CREB5: variants seen among roughly 807,000 people sequenced by gnomAD.
CREB5 encodes cyclic AMP-responsive element-binding protein 5.
In CREB5, 19 loss-of-function variants were observed where a neutral mutation model predicts 57.1. The ratio of observed to expected loss-of-function variants is 0.33; its 90% CI spans 0.23 to 0.49. CREB5 has a LOEUF of 0.49. Ranked by LOEUF, CREB5 falls within the 20% of genes least tolerant of loss-of-function variation. The probability of loss-of-function intolerance (pLI) is 0.99; values close to 1 mark genes in which losing one functional copy is unlikely to be tolerated. For missense variants in CREB5, 579 were observed against 671.6 expected, an observed-to-expected ratio of 0.86 and a Z score of 1.52; for synonymous variants, 238 against 238.3, an observed-to-expected ratio of 1.00 and a Z score of 0.01.
At chr7:28,445,768 A>T (rs10244345) in intron 1 of CREB5, among the ~76,000 whole-genome samples, 1 of 150,908 alleles carries the variant, frequency 6.6e-6, no homozygotes, top group Non-Finnish European at 1.5e-5. Context: ...AGCCAGGATG[A>T]TCTCGATCTT....
rs980124858 is a variant in CREB5 at position 28,814,817 on chromosome 7, T to C, written c.1255-3254T>C. Among the ~76,000 whole-genome samples the C allele has an allele frequency of 2.6e-5, 4 of 152,198 alleles. No homozygotes were observed. The South Asian group carries it at 6.2e-4, about 24-fold the overall frequency. On this transcript the variant is annotated intron_variant, in intron 9 of 10. Coordinates refer to ENST00000357727, the MANE Select transcript of CREB5 (RefSeq NM_182898.4). ...CTGGATGCTGCCCCATGAATTTCTA[T>C]GGCTTATGTGGTTATTAGGCCTTTA...
chr7:28,687,569 C>T (rs970616144), intron 5 of CREB5, among the ~76,000 whole-genome samples: 3 of 149,720 alleles, frequency 2.0e-5, no homozygotes, highest in Non-Finnish European at 4.4e-5. Context: ...AACTGAAACC[C>T]ACTAAAACAA....
At chr7:28,818,889 G>T in intron 10 of CREB5, 1 of 590,738 alleles carries the variant, frequency 1.7e-6, no homozygotes, top group Non-Finnish European at 3.1e-6. Context: ...TCATTTTACT[G>T]ATACAGAAAG....
At chr7:28,751,184 G>A (rs961537163) in intron 7 of CREB5, among the ~76,000 whole-genome samples, 1 of 128,296 alleles carries the variant, frequency 7.8e-6, no homozygotes, top group African/African-American at 2.9e-5. Context: ...AGATGACTGC[G>A]CGTGAGCCAG....
rs941639843 is a variant in CREB5, at chr7:28,385,966, A to G, written c.-25+86525A>G. On this transcript the variant is annotated intron_variant, in intron 1 of 9. Transcript: ENST00000396299. ...AATGGCTCCATCTTATCTGATTTAT[A>G]TATGTATATAAATAGACTTATGTAT... Among the ~76,000 whole-genome samples the G allele has an allele frequency of 5.3e-5, 8 of 152,208 alleles. No homozygotes were observed. The South Asian group carries it at 8.3e-4, about 16-fold the overall frequency.
chr7:28,551,916 T>C (rs1197008295), intron 4 of CREB5, among the ~76,000 whole-genome samples: 2 of 148,306 alleles, frequency 1.3e-5, no homozygotes, highest in Non-Finnish European at 1.5e-5. Flanking sequence ...CTTTTCTTTC[T>C]CTTTTTTCTT....
chr7:28,733,177 G>A (rs145399075), intron 7 of CREB5, among the ~76,000 whole-genome samples: 42 of 152,258 alleles, frequency 2.8e-4, no homozygotes, highest in African/African-American at 9.9e-4. Context: ...CCAGAGAGCC[G>A]AGTCAGTAAC....
At chr7:28,443,794 C>CGAT in intron 1 of CREB5, among the ~76,000 whole-genome samples, 1 of 152,240 alleles carries the variant, frequency 6.6e-6, no homozygotes, top group South Asian at 2.1e-4. Flanking sequence ...AATTCACTTA[C>CGAT]GATGATGATG....
intron 5 of CREB5, among the ~76,000 whole-genome samples, chr7:28,585,739 G>A (rs1457466966): frequency 6.6e-6 from 1 of 152,052 alleles, no homozygotes; most frequent in Non-Finnish European, 1.5e-5. Flanking sequence ...GGCATGAGGG[G>A]GCAAGAGATG....
At position 28,599,996 on chromosome 7, in the gene CREB5, G is replaced by A. The variant is rs192938083; in HGVS notation, c.464+29459G>A. 4.8e-4 allele frequency among the ~76,000 whole-genome samples: 73 copies of A among 152,232 alleles called. 2 individuals carry two copies. Among genetic ancestry groups the A allele is most frequent in the African/African-American group, 1.5e-3 (64 of 41,546 alleles). On this transcript the variant is annotated intron_variant, in intron 5 of 10. Coordinates refer to ENST00000357727, the MANE Select transcript of CREB5 (RefSeq NM_182898.4). ...AGTTATTAAAAGCAATCATGGTGACGTTGAGAGGGTGAAGAACTCTGGGTG... is the reference window on the plus strand; with the variant it reads ...AGTTATTAAAAGCAATCATGGTGACATTGAGAGGGTGAAGAACTCTGGGTG...
chr7:28,630,085 G>A (rs1022377697), intron 5 of CREB5, among the ~76,000 whole-genome samples: 2 of 152,310 alleles, frequency 1.3e-5, no homozygotes, highest in African/African-American at 4.8e-5. Context: ...CTGCTCATGT[G>A]ATGGCTACTT....
intron 5 of CREB5, among the ~76,000 whole-genome samples, chr7:28,633,244 A>G (rs1798272818): frequency 6.6e-6 from 1 of 152,106 alleles, no homozygotes; most frequent in Admixed American, 6.5e-5. Flanking sequence ...GCTTTTATCC[A>G]CTCTATGGGA....
In CREB5 at chr7:28,824,362, C is replaced by T. The variant is rs531624614; in HGVS notation, c.*5083C>T. ...AAAGTGTCCTGAATAAGCCAGGAGA[C>T]TTATTCTTTTGTGCACCCTGGTGCA... On this transcript the variant is annotated 3_prime_UTR_variant, in exon 11 of 11. Transcript: ENST00000357727. 3 of 152,732 alleles carry T rather than the reference C, an allele frequency of 2.0e-5. No individual in the cohort carries two copies. The South Asian group carries it at 6.2e-4, about 32-fold the overall frequency. The allele number at this position is 152,732 out of a possible 1,614,324, so 9.5% of individuals were successfully genotyped here.
intron 1 of CREB5, among the ~76,000 whole-genome samples, chr7:28,439,083 C>G (rs2128559602): frequency 6.6e-6 from 1 of 152,210 alleles, no homozygotes; most frequent in Admixed American, 6.5e-5. Flanking sequence ...AAAACCCCAA[C>G]CCCAAACCGA....
intron 8 of CREB5, among the ~76,000 whole-genome samples, chr7:28,805,528 G>A (rs942926563): frequency 2.6e-5 from 4 of 152,110 alleles, no homozygotes; most frequent in African/African-American, 9.7e-5. Context: ...CTCTGGAGAC[G>A]TGACTTTATA....
intron 4 of CREB5, among the ~76,000 whole-genome samples, chr7:28,566,053 C>G (rs1207128364): frequency 6.6e-6 from 1 of 152,228 alleles, no homozygotes. Flanking sequence ...TTCTTCTGCT[C>G]TTCCTGTGAT....
chr7:28,679,052 CTTTTTTTT>C, intron 5 of CREB5, among the ~76,000 whole-genome samples: 1 of 123,868 alleles, frequency 8.1e-6, no homozygotes. Flanking sequence ...TTTTGTAGTT[CTTTTTTTT>C]TTTTTTTTTC....
At chr7:28,743,255 G>A (rs576232833) in intron 7 of CREB5, among the ~76,000 whole-genome samples, 3 of 152,260 alleles carry the variant, frequency 2.0e-5, no homozygotes, top group South Asian at 4.1e-4. Flanking sequence ...GTCTCTATCC[G>A]ACTGCAGTGG....
chr7:28,707,232 A>G (rs936121498), intron 5 of CREB5, among the ~76,000 whole-genome samples: 2 of 152,220 alleles, frequency 1.3e-5, no homozygotes, highest in Non-Finnish European at 2.9e-5. Flanking sequence ...TTAAAATGAC[A>G]GTTGTATTAA....
Sources: allele counts gnomAD v4.1 joint callset (sites outside exome capture counted in the v4.1 genomes callset), GRCh38; gene constraint gnomAD v4.1.1; transcripts MANE v1.5; gene names NCBI Gene and HGNC (gene_info 2026-07-23, HGNC 2026-07-21).